The following CEP76 variants were observed in gnomAD, a reference collection of about 807,000 sequenced individuals.
The protein encoded by CEP76 is centrosomal protein 76, also known as centrosomal protein of 76 kDa.
A neutral mutation model predicts 83.3 loss-of-function variants in CEP76; 55 were observed. The observed-to-expected ratio is 0.66, with a 90% confidence interval of 0.53 to 0.83. The LOEUF (loss-of-function observed/expected upper bound fraction) is 0.83. Among genes scored for constraint, CEP76 ranks in the 40% least tolerant of loss-of-function variants. The pLI is 0.00. For synonymous variants in CEP76, 270 were observed against 274.5 expected, an observed-to-expected ratio of 0.98 and a Z score of 0.16; for missense variants, 694 against 799.5, an observed-to-expected ratio of 0.87 and a Z score of 1.59.
Position 12,680,696 on chromosome 18 carries a change from C to A in CEP76, c.1255G>T (p.Ala419Ser). 1 of 1,613,114 alleles carries A rather than the reference C, an allele frequency of 6.2e-7. No homozygotes were observed. Among genetic ancestry groups the A allele is most frequent in the Non-Finnish European group, 8.5e-7 (1 of 1,179,556 alleles). Residue 419 changes from alanine to serine, a missense_variant, in exon 9 of 12, where the codon GCC becomes TCC. Coordinates refer to ENST00000262127, the MANE Select transcript of CEP76 (RefSeq NM_024899.4). Reference sequence around the variant, plus strand: ...GTTAAACTCTCCCAAAAAGTGATGGCCCCATCAGTTCCACAAGTCATAACC... The same window carrying A: ...GTTAAACTCTCCCAAAAAGTGATGGACCCATCAGTTCCACAAGTCATAACC... ...AWVMTCGTDG[A>S]ITFWESLTGH...
intron 12 of CEP76, among the ~76,000 whole-genome samples, chr18:12,667,271 T>G (rs2144952756): frequency 6.6e-6 from 1 of 152,014 alleles, no homozygotes; most frequent in East Asian, 1.9e-4. Context: ...GACCTGTATT[T>G]GAGTGAGACC....
chr18:12,674,218 C>T (rs1598614535), intron 11 of CEP76, among the ~76,000 whole-genome samples: 1 of 152,152 alleles, frequency 6.6e-6, no homozygotes, highest in East Asian at 1.9e-4. Context: ...GGGAAGACTG[C>T]TTGAGCCCAG....
At chr18:12,669,416 T>A (rs2038884083), downstream of CEP76, among the ~76,000 whole-genome samples, 1 of 151,642 alleles carries the variant, frequency 6.6e-6, no homozygotes, top group African/African-American at 2.4e-5. Flanking sequence ...CTGGCCCCAA[T>A]TTTTTTTATT....
At chr18:12,701,958 C>T (rs1324938656) in intron 1 of CEP76, among the ~76,000 whole-genome samples, 1 of 152,034 alleles carries the variant, frequency 6.6e-6, no homozygotes, top group African/African-American at 2.4e-5. Flanking sequence ...GTGAAACCGT[C>T]TCTACTAAAA....
At chr18:12,699,957 T>C in intron 2 of CEP76, 52 bp from the exon 3 acceptor site, 2 of 1,227,862 alleles carry the variant, frequency 1.6e-6, no homozygotes, top group Non-Finnish European at 2.3e-6. Flanking sequence ...AATTATAGGT[T>C]AAGGAAATGT....
intron 5 of CEP76, among the ~76,000 whole-genome samples, 182 bp downstream of exon 5, chr18:12,697,041 A>G (rs1003548993): frequency 7.9e-5 from 12 of 152,212 alleles, no homozygotes; most frequent in South Asian, 2.1e-4. Flanking sequence ...GAAGTGCTAT[A>G]CTGATATTAT....
Position 12,673,135 on chromosome 18 carries a change from C to T in CEP76, c.*230G>A. The stretch of plus-strand genomic sequence containing the variant: ...GTAGCATTTATTAAAATAGAATATA[C>T]ACTTAATTTATACTAAATTCCAGGG... On this transcript the variant is annotated 3_prime_UTR_variant, in exon 12 of 12. Coordinates refer to ENST00000262127, the MANE Select transcript of CEP76 (RefSeq NM_024899.4). The T allele has an allele frequency of 1.8e-6, 2 of 1,124,568 alleles. No homozygotes were observed. Among genetic ancestry groups the T allele is most frequent in the Non-Finnish European group, 2.2e-6 (2 of 898,300 alleles). The allele number at this position is 1,124,568 out of a possible 1,614,324, so 69.7% of individuals were successfully genotyped here.
chr18:12,686,703 G>A, intron 7 of CEP76: 1 of 308,172 alleles, frequency 3.2e-6, no homozygotes, highest in Non-Finnish European at 6.1e-6. Flanking sequence ...GCTCTGAGCT[G>A]TTTTACTCCA....
At chr18:12,700,936 A>C (rs1358460169) in intron 2 of CEP76, 22 bp downstream of exon 2, 1 of 1,595,944 alleles carries the variant, frequency 6.3e-7, no homozygotes, top group African/African-American at 1.3e-5. Context: ...ACTCTCATTT[A>C]TTTCCCTAAA....
At chr18:12,680,868 T>A in intron 8 of CEP76, 40 bp from the exon 9 acceptor site, 4 of 1,546,990 alleles carry the variant, frequency 2.6e-6, no homozygotes, top group Middle Eastern at 3.4e-4. Flanking sequence ...TTCTTCCATA[T>A]TATTTCCTCA....
chr18:12,669,945 C>CGAGATTGCGGTGAGCT (rs1225517795), downstream of CEP76, among the ~76,000 whole-genome samples: 3 of 150,472 alleles, frequency 2.0e-5, no homozygotes, highest in African/African-American at 4.9e-5. Context: ...TGCGGTGAGC[C>CGAGATTGCGGTGAGCT]GAGATTGCAC....
intron 5 of CEP76, among the ~76,000 whole-genome samples, chr18:12,696,493 C>T (rs2039963059): frequency 1.3e-5 from 2 of 148,916 alleles, no homozygotes; most frequent in Non-Finnish European, 1.5e-5. Flanking sequence ...CAGAGCGAGA[C>T]TCCATCTCAA....
chr18:12,700,996 T>C lies in CEP76; in HGVS notation c.181A>G (p.Ile61Val), dbSNP rs750879629. ...AGTTCTTTCATCACATCGTCAATGA[T>C]TCCTCGACGTCTAAGGGCTTTGATC... ...DLIKALRRRG[I>V]IDDVMKELNF... is the part of the protein sequence containing the mutation. Residue 61 changes from isoleucine (I) to valine (V), a missense_variant, in exon 2 of 12, where the codon ATC (isoleucine) becomes GTC (valine). Ile to Val is a conservative substitution (Grantham distance 29). Transcript: ENST00000262127. 4.3e-6 allele frequency: 7 copies of C among 1,613,180 alleles called. No individual in the cohort carries two copies. The highest frequency in any genetic ancestry group is 5.9e-6 in the Non-Finnish European group (7 of 1,179,726).
chr18:12,663,720 G>A (rs774551237), intron 12 of CEP76, among the ~76,000 whole-genome samples: 1 of 152,114 alleles, frequency 6.6e-6, no homozygotes, highest in Non-Finnish European at 1.5e-5. Context: ...ATGAGACAAT[G>A]CAAAAATGTT....
At chr18:12,663,784 GAGAC>G (rs936113903) in intron 12 of CEP76, among the ~76,000 whole-genome samples, 5 of 152,196 alleles carry the variant, frequency 3.3e-5, no homozygotes, top group Admixed American at 1.3e-4. Context: ...TATGTGTAGA[GAGAC>G]AGAATCTCAT....
intron 4 of CEP76, among the ~76,000 whole-genome samples, chr18:12,697,708 T>C (rs981941900): frequency 6.6e-6 from 1 of 152,180 alleles, no homozygotes; most frequent in African/African-American, 2.4e-5. Flanking sequence ...TATATGCTAC[T>C]ACAATAAAAA....
At chr18:12,663,656 C>T (rs1442704352) in intron 12 of CEP76, among the ~76,000 whole-genome samples, 2 of 152,116 alleles carry the variant, frequency 1.3e-5, no homozygotes, top group Non-Finnish European at 2.9e-5. Flanking sequence ...AAATTTTAAC[C>T]AGAGTTTTGT....
intron 8 of CEP76, among the ~76,000 whole-genome samples, chr18:12,682,162 C>CT (rs754403028): frequency 1.1e-4 from 16 of 149,626 alleles, no homozygotes; most frequent in South Asian, 4.3e-4. Flanking sequence ...GAAGAAATTT[C>CT]TTTTTTTTTT....
In CEP76 at chr18:12,697,796, T is replaced by C. The variant is rs73951123; in HGVS notation, c.521-388A>G. 6.7e-3 allele frequency among the ~76,000 whole-genome samples: 1,013 copies of C among 151,974 alleles called. 11 individuals carry two copies. Among genetic ancestry groups the C allele is most frequent in the African/African-American group, 0.022 (933 of 41,548 alleles). On this transcript the variant is annotated intron_variant, in intron 4 of 11. Coordinates refer to ENST00000262127, the MANE Select transcript of CEP76 (RefSeq NM_024899.4). ...ACCTCCAGAAATTATCACTGTATAA[T>C]TGACATACAACTGAAAAATACAGCA...
Sources: allele counts gnomAD v4.1 joint callset (sites outside exome capture counted in the v4.1 genomes callset), GRCh38; gene constraint gnomAD v4.1.1; transcripts MANE v1.5; gene names NCBI Gene and HGNC (gene_info 2026-07-23, HGNC 2026-07-21).